Variants in SHKBP1 observed in about 807,000 individuals in gnomAD.
SHKBP1 encodes SH3KBP1-binding protein 1.
SHKBP1 carries 71 observed loss-of-function variants against 83.9 expected under a neutral mutation model. The ratio of observed to expected loss-of-function variants is 0.85; its 90% CI spans 0.70 to 1.03. The LOEUF (loss-of-function observed/expected upper bound fraction) is 1.03. Ranked by LOEUF, SHKBP1 falls within the 50% of genes least tolerant of loss-of-function variation. The pLI is 0.00. For synonymous variants in SHKBP1, 371 were observed against 398.0 expected (o/e 0.93, Z 0.81); for missense variants, 824 against 982.4 (o/e 0.84, Z 2.16).
At position 40,590,535 on chromosome 19, in the gene SHKBP1, TC is replaced by T; in HGVS notation, c.1768+115del. 7.5e-7 allele frequency: 1 copy of T among 1,332,694 alleles called. No individual in the cohort carries two copies. The highest frequency in any genetic ancestry group is 1.5e-5 in the African/African-American group (1 of 67,960). 82.6% of individuals were successfully genotyped at this position (1,332,694 alleles called of 1,614,324 possible). ...CAGGCCCTTGCCCTCTGACCCCTTT[TC>T]CTTTGACCCCCTCTCTGCTCCCCAT... On this transcript the variant is annotated intron_variant, in intron 16 of 17. Coordinates refer to ENST00000291842, the MANE Select transcript of SHKBP1 (RefSeq NM_138392.4). The surrounding 1 kb of genome is among the most constrained non-coding windows in gnomAD (Gnocchi z 4.6).
At chr19:40,583,848 T>C in intron 12 of SHKBP1, 131 bp downstream of exon 12, 1 of 665,038 alleles carries the variant, frequency 1.5e-6, no homozygotes. Context: ...CTCTCTCTCA[T>C]TTTTTTTTCT....
chr19:40,582,429 G>A lies in SHKBP1; in HGVS notation c.923G>A (p.Arg308His), dbSNP rs753132257. The A allele has an allele frequency of 8.1e-6, 13 of 1,614,030 alleles. No homozygotes were observed. The highest frequency in any genetic ancestry group is 8.5e-6 in the Non-Finnish European group (10 of 1,180,016). The stretch of plus-strand genomic sequence containing the variant: ...CTCATTGCTACAAGCCACACAGGGC[G>A]CATCGGGGTGTGGAATGCCGTCACC... Reference protein sequence around the residue: ...NQLIATSHTGRIGVWNAVTKH... With the variant: ...NQLIATSHTGHIGVWNAVTKH... The change falls in exon 10 of 18, where the codon CGC becomes CAC. Residue 308 changes from arginine (R) to histidine (H), a missense_variant. Transcript: ENST00000291842.
In SHKBP1 at chr19:40,578,164, G is replaced by C; in HGVS notation, c.271G>C (p.Gly91Arg). ...TKELDPRGVH[G>R]SSLLHEAQFY... ...AATTCTACTACCCAGGGGTGTCCAC[G>C]GTTCCAGCCTCCTCCATGAAGCCCA... The change falls in exon 5 of 18, where the codon GGT becomes CGT. Residue 91 changes from glycine (G) to arginine (R), a missense_variant. Coordinates refer to ENST00000291842, the MANE Select transcript of SHKBP1 (RefSeq NM_138392.4). 2 of 1,614,082 alleles carry C rather than the reference G, an allele frequency of 1.2e-6. No homozygotes were observed. The highest frequency in any genetic ancestry group is 1.7e-6 in the Non-Finnish European group (2 of 1,179,958).
Position 40,578,200 on chromosome 19 carries a change from C to T in SHKBP1, c.307C>T (p.Leu103Phe), listed in dbSNP as rs116299645. 2.0e-4 allele frequency: 319 copies of T among 1,614,122 alleles called. No homozygotes were observed. In the African/African-American group the frequency reaches 3.3e-3, roughly 17 times the overall value. The change falls in exon 5 of 18, where the codon CTC becomes TTC. Residue 103 changes from leucine (L) to phenylalanine (F), a missense_variant. Leu to Phe is a conservative substitution (Grantham distance 22). Around this residue, in one of 3 missense-constraint regions of SHKBP1, gnomAD observed 355 missense variants for 386.4 expected, o/e 0.92. Transcript: ENST00000291842. ...CCTCCATGAAGCCCAGTTCTATGGG[C>T]TCACTCCTCTGGGTAAGTGGGAGCC... ...SLLHEAQFYG[L>F]TPLVRRLQLR...
At position 40,583,723 on chromosome 19, in the gene SHKBP1, C is replaced by T; in HGVS notation, c.1165+6C>T. 1 of 1,609,542 alleles carries T rather than the reference C, an allele frequency of 6.2e-7. No homozygotes were observed. Among genetic ancestry groups the T allele is most frequent in the African/African-American group, 1.3e-5 (1 of 74,928 alleles). ...CTACCTCACCCCCAAGACCAGTAAG[C>T]TATGACCCGGCTTCCCCTGCTGCTG... On this transcript the variant is annotated splice_donor_region_variant and intron_variant, in intron 12 of 17. Transcript: ENST00000291842.
Position 40,580,500 on chromosome 19 carries a change from C to T in SHKBP1, c.562+15C>T, listed in dbSNP as rs531094449. 2.0e-5 allele frequency: 32 copies of T among 1,613,536 alleles called. No homozygotes were observed. The South Asian group carries it at 2.1e-4, about 11-fold the overall frequency. Reference sequence around the variant, plus strand: ...CTCACCCTCAGGTACGTTTCTATCTCGTGGAAGGTTGGGGCAGCTGTGGGG... The same window carrying T: ...CTCACCCTCAGGTACGTTTCTATCTTGTGGAAGGTTGGGGCAGCTGTGGGG... On this transcript the variant is annotated intron_variant, in intron 7 of 17. Transcript: ENST00000291842.
intron 5 of SHKBP1, 94 bp from the exon 6 acceptor site, chr19:40,578,368 G>A (rs1037975810): frequency 2.0e-6 from 3 of 1,489,618 alleles, no homozygotes; most frequent in Non-Finnish European, 1.9e-6. Context: ...ACTGGGAGGA[G>A]TATTGGTACT....
chr19:40,584,887 A>G (rs933126965), intron 12 of SHKBP1, among the ~76,000 whole-genome samples: 1 of 152,126 alleles, frequency 6.6e-6, no homozygotes, highest in Non-Finnish European at 1.5e-5. Flanking sequence ...AATTCCTGTA[A>G]ATGGGATCAT....
At chr19:40,588,436 A>G (rs550748639) in intron 13 of SHKBP1, among the ~76,000 whole-genome samples, 188 bp from the exon 14 acceptor site, 2 of 152,324 alleles carry the variant, frequency 1.3e-5, no homozygotes, top group South Asian at 4.1e-4. Context: ...AGGCTCTGGA[A>G]CAGTTTTGGA....
chr19:40,580,031 C>CAAAAA (rs35620022), intron 6 of SHKBP1: 30 of 64,066 alleles, frequency 4.7e-4, no homozygotes, highest in Middle Eastern at 0.01. Flanking sequence ...AACTCCAACT[C>CAAAAA]AAAAAAAAAA....
Position 40,590,949 on chromosome 19 carries a change from G to C in SHKBP1, c.1893-27G>C. 1.9e-6 allele frequency: 3 copies of C among 1,585,186 alleles called. No homozygotes were observed. Among genetic ancestry groups the C allele is most frequent in the Non-Finnish European group, 2.6e-6 (3 of 1,158,706 alleles). On this transcript the variant is annotated intron_variant, in intron 17 of 17. Transcript: ENST00000291842. The surrounding 1 kb of genome is among the most constrained non-coding windows in gnomAD (Gnocchi z 4.6). ...AGTGGCCCAGCTGCCCCGTGATGAC[G>C]TGCACTTACTGTCCTTACTTCCTCA...
At chr19:40,582,007 G>C (rs992998154) in intron 9 of SHKBP1, among the ~76,000 whole-genome samples, 1 of 150,308 alleles carries the variant, frequency 6.7e-6, no homozygotes, top group Non-Finnish European at 1.5e-5. Context: ...TGCAACCTCT[G>C]CCTCCTGGGG....
intron 3 of SHKBP1, 40 bp from the exon 4 acceptor site, chr19:40,577,517 G>GGT: frequency 6.2e-7 from 1 of 1,614,044 alleles, no homozygotes; most frequent in East Asian, 2.2e-5. Flanking sequence ...ACTCAGTCCT[G>GGT]CCTTTTACCC....
chr19:40,583,626 G>A lies in SHKBP1; in HGVS notation c.1074G>A (p.Met358Ile). The change falls in exon 12 of 18, where the codon ATG becomes ATA. Residue 358 changes from methionine (M) to isoleucine (I), a missense_variant. Physicochemically the swap from Met to Ile is conservative, Grantham distance 10. This residue lies in a region of SHKBP1 where 182 missense variants were observed against 273.1 expected (regional missense o/e 0.67). Coordinates refer to ENST00000291842, the MANE Select transcript of SHKBP1 (RefSeq NM_138392.4). ...ATGTGCAGAAGTTCCCCTTGCGCAT[G>A]AAAGACAACGACCTCCTTGTCAGCG... ...YVDVQKFPLR[M>I]KDNDLLVSEL... 1 of 1,612,488 alleles carries A rather than the reference G, an allele frequency of 6.2e-7. No individual in the cohort carries two copies. Among genetic ancestry groups the A allele is most frequent in the Non-Finnish European group, 8.5e-7 (1 of 1,178,904 alleles).
Position 40,578,157 on chromosome 19 carries a change from T to G in SHKBP1, c.264T>G (p.Gly88=). 2 of 1,613,908 alleles carry G rather than the reference T, an allele frequency of 1.2e-6. No homozygotes were observed. Among genetic ancestry groups the G allele is most frequent in the Non-Finnish European group, 1.7e-6 (2 of 1,179,834 alleles). The stretch of plus-strand genomic sequence containing the variant: ...TCTAGTCAATTCTACTACCCAGGGG[T>G]GTCCACGGTTCCAGCCTCCTCCATG... ...FLRTKELDPR[G]VHGSSLLHEA... is the part of the protein sequence containing the mutation. The change falls in exon 5 of 18, where the codon GGT becomes GGG. Residue 88 remains glycine (G), a synonymous_variant. Coordinates refer to ENST00000291842, the MANE Select transcript of SHKBP1 (RefSeq NM_138392.4).
Position 40,580,438 on chromosome 19 carries a change from G to C in SHKBP1, c.515G>C (p.Gly172Ala). The change falls in exon 7 of 18, where the codon GGG (glycine) becomes GCG (alanine). Residue 172 changes from glycine to alanine, a missense_variant. Gly to Ala is a moderately conservative substitution (Grantham distance 60, BLOSUM62 0). Coordinates refer to ENST00000291842, the MANE Select transcript of SHKBP1 (RefSeq NM_138392.4). ...NTMPPNLGNA[G>A]LLGRMLDEKT... ...ATGCCCCCCAACCTTGGCAATGCAG[G>C]GCTGCTGGGCCGAATGCTGGATGAG... 1 of 1,613,868 alleles carries C rather than the reference G, an allele frequency of 6.2e-7. No homozygotes were observed. The highest frequency in any genetic ancestry group is 8.5e-7 in the Non-Finnish European group (1 of 1,179,792).
Position 40,591,019 on chromosome 19 carries a change from G to A in SHKBP1, c.1936G>A (p.Gly646Arg), listed in dbSNP as rs1355929928. ...SSNTSLSGHR[G>R]SPSPPQAEAR... ...CAACACCTCCTTGTCTGGCCACCGT[G>A]GGAGCCCAAGCCCCCCGCAGGCTGA... Residue 646 changes from glycine to arginine, a missense_variant, in exon 18 of 18, where the codon GGG becomes AGG. Around this residue, in one of 3 missense-constraint regions of SHKBP1, gnomAD observed 287 missense variants for 322.9 expected, o/e 0.89. Coordinates refer to ENST00000291842, the MANE Select transcript of SHKBP1 (RefSeq NM_138392.4). 1.2e-6 allele frequency: 2 copies of A among 1,612,250 alleles called. No homozygotes were observed. Among genetic ancestry groups the A allele is most frequent in the Non-Finnish European group, 8.5e-7 (1 of 1,178,686 alleles).
chr19:40,582,834 T>C (rs962583068), intron 10 of SHKBP1, among the ~76,000 whole-genome samples: 2 of 151,382 alleles, frequency 1.3e-5, no homozygotes, highest in Non-Finnish European at 1.5e-5. Context: ...GAGGATGGCT[T>C]TGGGAGAAAG....
In SHKBP1 at chr19:40,580,868, T is replaced by G. The variant is rs767373464; in HGVS notation, c.776T>G (p.Val259Gly). 3.1e-6 allele frequency: 5 copies of G among 1,612,202 alleles called. No homozygotes were observed. Among genetic ancestry groups the G allele is most frequent in the Non-Finnish European group, 3.4e-6 (4 of 1,179,168 alleles). Residue 259 changes from valine to glycine, a missense_variant, in exon 9 of 18, where the codon GTG (valine) becomes GGG (glycine). By Grantham distance (109) the Val-to-Gly change is moderately radical. Transcript: ENST00000291842. Reference protein sequence around the residue: ...GGALGEHDKMVAAATGSEILL... With the variant: ...GGALGEHDKMGAAATGSEILL... ...GCTTTGGGTGAACATGACAAGATGG[T>G]GGCAGCAGCCACCGGCAGCGAGATC...
Sources: gnomAD v4.1 joint callset for allele counts (sites outside exome capture counted in the v4.1 genomes callset) on GRCh38, gnomAD v4.1.1 for gene constraint, gnomAD v4.1.1 regional missense constraint, Gnocchi (gnomAD v3.1) non-coding constraint, MANE v1.5 for transcripts, NCBI Gene and HGNC (gene_info 2026-07-23, HGNC 2026-07-21) for gene names.